Variants in ZNF385D observed in about 807,000 individuals in gnomAD.
The protein encoded by ZNF385D is zinc finger protein 385D.
In ZNF385D, 15 loss-of-function variants were observed where a neutral mutation model predicts 35.8. That is an observed-to-expected ratio of 0.42 (90% CI 0.28 to 0.64). ZNF385D has a LOEUF of 0.64. ZNF385D is among the 30% of genes least tolerant of loss of function. ZNF385D has a pLI of 0.23. For synonymous variants in ZNF385D, 212 were observed against 186.8 expected (o/e 1.13, Z -1.10); for missense variants, 474 against 494.6 (o/e 0.96, Z 0.39).
chr3:21,941,745 C>A (rs952735969), intron 3 of ZNF385D, among the ~76,000 whole-genome samples: 1 of 152,044 alleles, frequency 6.6e-6, no homozygotes, highest in Non-Finnish European at 1.5e-5. Context: ...GATCCGCCCA[C>A]CTCGGCCTCC....
chr3:21,941,600 C>G (rs1575969377), intron 3 of ZNF385D, among the ~76,000 whole-genome samples: 2 of 147,548 alleles, frequency 1.4e-5, no homozygotes, highest in South Asian at 2.1e-4. Flanking sequence ...CGGGTTCACG[C>G]CATTCTCCTG....
chr3:22,303,181 C>T (rs1284877116), intron 2 of ZNF385D, among the ~76,000 whole-genome samples: 3 of 152,086 alleles, frequency 2.0e-5, no homozygotes, highest in South Asian at 2.1e-4. Flanking sequence ...AGAATGAAGA[C>T]AAAATATCCA....
chr3:21,827,197 T>C (rs181975104), intron 3 of ZNF385D, among the ~76,000 whole-genome samples: 6 of 152,312 alleles, frequency 3.9e-5, no homozygotes, highest in Admixed American at 3.9e-4. Context: ...CCACCATCAA[T>C]ATTTATGTCA....
chr3:22,327,905 C>G (rs539293377), intron 2 of ZNF385D, among the ~76,000 whole-genome samples: 2 of 152,144 alleles, frequency 1.3e-5, no homozygotes, highest in Non-Finnish European at 2.9e-5. Context: ...TGTAACATAA[C>G]AAAACCTAAT....
chr3:22,158,419 C>G (rs535551057), intron 3 of ZNF385D, among the ~76,000 whole-genome samples: 1 of 152,140 alleles, frequency 6.6e-6, no homozygotes, highest in East Asian at 1.9e-4. Context: ...ATTTTTATCC[C>G]ATTTCTTTTA....
At chr3:22,185,915 C>G (rs992813208) in intron 2 of ZNF385D, among the ~76,000 whole-genome samples, 2 of 152,160 alleles carry the variant, frequency 1.3e-5, no homozygotes, top group African/African-American at 4.8e-5. Flanking sequence ...CTGATAACTT[C>G]ATTTATTGCA....
chr3:21,651,230 G>A (rs1159472416), intron 2 of ZNF385D, among the ~76,000 whole-genome samples: 5 of 135,772 alleles, frequency 3.7e-5, no homozygotes, highest in African/African-American at 1.4e-4. Context: ...GGAGCTTGCA[G>A]TGAGCCAAGA....
chr3:22,019,508 A>T (rs1358230080), intron 3 of ZNF385D, among the ~76,000 whole-genome samples: 1 of 152,002 alleles, frequency 6.6e-6, no homozygotes, highest in African/African-American at 2.4e-5. Context: ...TTTATTAATC[A>T]TAACCTCTAT....
In ZNF385D at chr3:21,684,404, CCTCTCTCTCT is replaced by C. The variant is rs71044934; in HGVS notation, c.23-19386_23-19377del. On this transcript the variant is annotated intron_variant, in intron 1 of 7. Transcript: ENST00000281523. ...TCTCTCTCTCTCTCTCTCTCTCTCTCCTCTCTCTCTCTCTCTCTCTCTCTCTCCTCTCTCT... is the reference window on the plus strand; with the variant it reads ...TCTCTCTCTCTCTCTCTCTCTCTCTCCTCTCTCTCTCTCTCTCCTCTCTCT... Among the ~76,000 whole-genome samples the C allele has an allele frequency of 2.3e-3, 160 of 70,640 alleles. 4 individuals are homozygous for C. Among genetic ancestry groups the C allele is most frequent in the Non-Finnish European group, 3.0e-3 (126 of 41,488 alleles). The allele number at this position is 70,640 out of a possible 152,430, so 46.3% of individuals were successfully genotyped here.
rs142869343 is a variant in ZNF385D at position 22,338,087 on chromosome 3, A to G, written c.106+34363T>C. On this transcript the variant is annotated intron_variant, in intron 2 of 5. Coordinates refer to the ZNF385D transcript ENST00000494108. ...GCTGAAAACACAGTAACATCTCACTAAAATATGGTTGAAATATTTTTCTAA... is the reference window on the plus strand; with the variant it reads ...GCTGAAAACACAGTAACATCTCACTGAAATATGGTTGAAATATTTTTCTAA... 1.8e-4 allele frequency among the ~76,000 whole-genome samples: 28 copies of G among 152,372 alleles called. No individual in the cohort carries two copies. The Middle Eastern group carries it at 0.01, about 56-fold the overall frequency.
chr3:22,034,061 C>A (rs1373179670), intron 3 of ZNF385D, among the ~76,000 whole-genome samples: 1 of 152,104 alleles, frequency 6.6e-6, no homozygotes, highest in Admixed American at 6.6e-5. Context: ...AGATGGTTAA[C>A]CATCTTATCA....
chr3:22,256,342 A>G (rs565741586), intron 2 of ZNF385D, among the ~76,000 whole-genome samples: 1 of 151,632 alleles, frequency 6.6e-6, no homozygotes, highest in East Asian at 1.9e-4. Context: ...TCCCCAAAAT[A>G]TTATGACTAC....
chr3:21,935,824 A>AT (rs1186164057), intron 3 of ZNF385D, among the ~76,000 whole-genome samples: 18 of 152,010 alleles, frequency 1.2e-4, no homozygotes, highest in African/African-American at 4.1e-4. Flanking sequence ...CCTTTTCTTG[A>AT]CTTCCTTTGG....
intron 3 of ZNF385D, among the ~76,000 whole-genome samples, chr3:21,970,988 G>T (rs992690634): frequency 9.2e-5 from 14 of 152,060 alleles, no homozygotes; most frequent in Non-Finnish European, 1.5e-4. Context: ...TCAAACAAAG[G>T]AGAAAGAAAT....
chr3:21,553,698 C>G (rs2062639429), intron 3 of ZNF385D, among the ~76,000 whole-genome samples: 1 of 152,116 alleles, frequency 6.6e-6, no homozygotes, highest in South Asian at 2.1e-4. Flanking sequence ...TGGGGTCAAT[C>G]CTCCCAAAGC....
chr3:21,906,086 C>G (rs976731392), intron 3 of ZNF385D, among the ~76,000 whole-genome samples: 1 of 152,204 alleles, frequency 6.6e-6, no homozygotes, highest in Non-Finnish European at 1.5e-5. Context: ...ATATCCATCT[C>G]TTACTCATCT....
At chr3:21,797,781 T>G (rs1024748239) in intron 3 of ZNF385D, among the ~76,000 whole-genome samples, 2 of 151,964 alleles carry the variant, frequency 1.3e-5, no homozygotes, top group African/African-American at 4.8e-5. Flanking sequence ...TTCAACTATA[T>G]GACAAAATGG....
chr3:21,905,444 A>G (rs1559740891), intron 3 of ZNF385D, among the ~76,000 whole-genome samples: 1 of 151,832 alleles, frequency 6.6e-6, no homozygotes, highest in Non-Finnish European at 1.5e-5. Flanking sequence ...GCATCAGGCA[A>G]TCATTCTCAA....
chr3:21,625,196 G>A (rs2065102588), intron 2 of ZNF385D, among the ~76,000 whole-genome samples: 1 of 152,004 alleles, frequency 6.6e-6, no homozygotes, highest in Admixed American at 6.6e-5. Context: ...AAGAAGCAAA[G>A]GAAATGATTC....
Sources: gnomAD v4.1 joint callset for allele counts (sites outside exome capture counted in the v4.1 genomes callset) on GRCh38, gnomAD v4.1.1 for gene constraint, MANE v1.5 for transcripts, NCBI Gene and HGNC (gene_info 2026-07-23, HGNC 2026-07-21) for gene names.